Variants in SGCD observed in about 807,000 individuals in gnomAD.
The protein encoded by SGCD is delta-sarcoglycan.
In SGCD, 18 loss-of-function variants were observed where a neutral mutation model predicts 36.6. The observed-to-expected ratio is 0.49, with a 90% CI of 0.34 to 0.73. The LOEUF is 0.73. Ranked by LOEUF, SGCD falls within the 30% of genes least tolerant of loss-of-function variation. The pLI is 0.01. For missense variants in SGCD, 387 were observed against 346.7 expected, an observed-to-expected ratio of 1.12 and a Z score of -0.92; for synonymous variants, 133 against 130.6, an observed-to-expected ratio of 1.02 and a Z score of -0.12.
intron 4 of SGCD, among the ~76,000 whole-genome samples, chr5:156,548,824 G>C (rs1043469521): frequency 6.6e-6 from 1 of 152,140 alleles, no homozygotes; most frequent in Non-Finnish European, 1.5e-5. Flanking sequence ...GAAAAGGAGA[G>C]CTCTGGAAGC....
At chr5:156,722,120 TAGGA>T (rs1269860749) in intron 7 of SGCD, among the ~76,000 whole-genome samples, 1 of 152,200 alleles carries the variant, frequency 6.6e-6, no homozygotes, top group African/African-American at 2.4e-5. Flanking sequence ...CGAAGTAATT[TAGGA>T]AGGAACGCCA....
chr5:156,091,245 T>C (rs1424028451), intron 1 of SGCD, among the ~76,000 whole-genome samples: 1 of 152,208 alleles, frequency 6.6e-6, no homozygotes, highest in Non-Finnish European at 1.5e-5. Context: ...GTTTTAATTT[T>C]GGGAACTAAT....
the SGCD span, among the ~76,000 whole-genome samples, chr5:155,765,624 C>T: frequency 6.6e-6 from 1 of 152,052 alleles, no homozygotes; most frequent in South Asian, 2.1e-4. Context: ...ATGCTGCATT[C>T]CAAAGGAAGT....
At chr5:156,159,839 G>A (rs1035991924) in intron 3 of SGCD, among the ~76,000 whole-genome samples, 7 of 151,402 alleles carry the variant, frequency 4.6e-5, no homozygotes, top group Middle Eastern at 3.4e-3. Flanking sequence ...TTATTCCAAC[G>A]TAATTTTAAT....
chr5:156,345,029 G>A (rs1228312700), intron 3 of SGCD, among the ~76,000 whole-genome samples: 1 of 152,166 alleles, frequency 6.6e-6, no homozygotes, highest in East Asian at 1.9e-4. Context: ...TTTTCAGCAA[G>A]TGTAGTGATT....
chr5:156,079,130 G>A (rs187307287), intron 1 of SGCD, among the ~76,000 whole-genome samples: 5 of 152,062 alleles, frequency 3.3e-5, no homozygotes, highest in African/African-American at 1.2e-4. Flanking sequence ...CACATCACAT[G>A]GTGAGAGAGG....
chr5:156,543,197 A>G (rs904954676), intron 4 of SGCD, among the ~76,000 whole-genome samples: 34 of 152,194 alleles, frequency 2.2e-4, no homozygotes, highest in African/African-American at 8.0e-4. Flanking sequence ...TGTCCTGTGC[A>G]CTGTAGGATC....
At chr5:155,891,556 C>CTATTTTTTTTTTTT (rs1561640647) in intron 1 of SGCD, among the ~76,000 whole-genome samples, 1 of 16,562 alleles carries the variant, frequency 6.0e-5, no homozygotes, top group African/African-American at 2.7e-4. Context: ...AAAATAAATA[C>CTATTTTTTTTTTTT]TCTTTTTTTT....
chr5:156,440,527 G>A (rs1029033565), intron 3 of SGCD, among the ~76,000 whole-genome samples: 4 of 152,112 alleles, frequency 2.6e-5, no homozygotes, highest in African/African-American at 9.7e-5. Context: ...AACTTATTGA[G>A]GAACTGCTGT....
chr5:156,209,205 A>G (rs1448378627), intron 3 of SGCD, among the ~76,000 whole-genome samples: 1 of 152,186 alleles, frequency 6.6e-6, no homozygotes, highest in Non-Finnish European at 1.5e-5. Context: ...GTCTGCACAG[A>G]GGACTTGGTC....
At position 156,205,096 on chromosome 5, in the gene SGCD, C is replaced by G. The variant is rs1581167168; in HGVS notation, c.-44+81077C>G. On this transcript the variant is annotated intron_variant, in intron 3 of 9. Coordinates refer to the SGCD transcript ENST00000517913. ...TTTACTGTGGTAAACTGCCCTTCCT[C>G]CATCAGAGTGGGAGGTAAATCAAAA... Among the ~76,000 whole-genome samples, 9 of 152,200 alleles carry G rather than the reference C, an allele frequency of 5.9e-5. 1 individual carries two copies. The South Asian group carries it at 1.9e-3, about 32-fold the overall frequency.
chr5:155,897,408 A>G (rs1396250952), intron 1 of SGCD, among the ~76,000 whole-genome samples: 6 of 152,232 alleles, frequency 3.9e-5, no homozygotes, highest in Non-Finnish European at 5.9e-5. Flanking sequence ...AAGGCCTAAG[A>G]CATTACTGTA....
At chr5:156,604,527 G>A (rs1761336895) in intron 6 of SGCD, among the ~76,000 whole-genome samples, 1 of 151,296 alleles carries the variant, frequency 6.6e-6, no homozygotes, top group South Asian at 2.1e-4. Flanking sequence ...ATTCCTGTGG[G>A]GCTAACGTGA....
At chr5:156,201,798 TTA>T (rs1764158035) in intron 3 of SGCD, among the ~76,000 whole-genome samples, 1 of 152,062 alleles carries the variant, frequency 6.6e-6, no homozygotes, top group South Asian at 2.1e-4. Flanking sequence ...TTTGGAGTTA[TTA>T]TGACATTTGA....
rs187916191 is a variant in SGCD at position 156,617,057 on chromosome 5, G to A, written c.502+22006G>A. Among the ~76,000 whole-genome samples the A allele has an allele frequency of 2.4e-4, 36 of 152,300 alleles. No individual in the cohort carries two copies. The South Asian group carries it at 3.7e-3, about 16-fold the overall frequency. The stretch of plus-strand genomic sequence containing the variant: ...GCTAGTTATCACAACATGACATGAT[G>A]TATATTTGTTCATTTTCTTTCTATC... On this transcript the variant is annotated intron_variant, in intron 6 of 8. Transcript: ENST00000337851.
chr5:156,607,220 A>T (rs1761509275), intron 6 of SGCD, among the ~76,000 whole-genome samples: 1 of 152,230 alleles, frequency 6.6e-6, no homozygotes, highest in Admixed American at 6.5e-5. Flanking sequence ...GATACATCCC[A>T]TCAATACCTA....
At chr5:156,489,552 A>G (rs1486561323) in intron 3 of SGCD, among the ~76,000 whole-genome samples, 2 of 152,142 alleles carry the variant, frequency 1.3e-5, no homozygotes, top group African/African-American at 4.8e-5. Flanking sequence ...TGAAAAAAAT[A>G]GAAGTTAACA....
At chr5:156,458,553 C>T (rs117318591) in intron 3 of SGCD, 1 of 1,222,808 alleles carries the variant, frequency 8.2e-7, no homozygotes, top group Non-Finnish European at 1.2e-6. Flanking sequence ...TTCCCTCAAA[C>T]CGCATATGTC....
At chr5:156,224,369 G>A (rs1764794867) in intron 3 of SGCD, among the ~76,000 whole-genome samples, 1 of 152,102 alleles carries the variant, frequency 6.6e-6, no homozygotes, top group Admixed American at 6.6e-5. Context: ...AGTGGACAAA[G>A]CATGAAGGGG....
Sources: allele counts gnomAD v4.1 joint callset (sites outside exome capture counted in the v4.1 genomes callset), GRCh38; gene constraint gnomAD v4.1.1; transcripts MANE v1.5; gene names NCBI Gene and HGNC (gene_info 2026-07-23, HGNC 2026-07-21).